PEX1: variants seen among roughly 807,000 people sequenced by gnomAD.
PEX1 encodes peroxisomal biogenesis factor 1.
Under a neutral mutation model 152.5 loss-of-function variants are expected in PEX1, and 97 were observed. The ratio of observed to expected loss-of-function variants is 0.64; its 90% CI spans 0.54 to 0.75. The LOEUF (loss-of-function observed/expected upper bound fraction) is 0.75. Ranked by LOEUF, PEX1 falls within the 30% of genes least tolerant of loss-of-function variation. The pLI is 0.00. For synonymous variants in PEX1, 485 were observed against 531.6 expected (o/e 0.91, Z 1.21); for missense variants, 1,357 against 1,516.3 (o/e 0.89, Z 1.74).
chr7:92,493,812 CTATT>C (rs1791491717), intron 19 of PEX1: 2 of 185,106 alleles, frequency 1.1e-5, no homozygotes, highest in Admixed American at 1.1e-4. Flanking sequence ...ATACCTTTGA[CTATT>C]CATTTGTCTA....
chr7:92,516,691 G>A (rs1792802219), intron 5 of PEX1, among the ~76,000 whole-genome samples: 1 of 152,168 alleles, frequency 6.6e-6, no homozygotes, highest in African/African-American at 2.4e-5. Context: ...TAATATTTGT[G>A]GCCAGGATGA....
intron 16 of PEX1, among the ~76,000 whole-genome samples, chr7:92,498,163 A>T (rs1791751421): frequency 1.3e-5 from 2 of 152,130 alleles, no homozygotes; most frequent in African/African-American, 4.8e-5. Context: ...GTTCTCAAAA[A>T]AACACGACAA....
chr7:92,518,084 C>T (rs1375963119), intron 4 of PEX1, 42 bp from the exon 5 acceptor site: 1 of 1,611,690 alleles, frequency 6.2e-7, no homozygotes, highest in Non-Finnish European at 8.5e-7. Context: ...TTCATTTCTA[C>T]TTTGGACTCA....
Position 92,518,059 on chromosome 7 carries a change from G to A in PEX1, c.473-17C>T. The A allele has an allele frequency of 6.2e-7, 1 of 1,613,890 alleles. No individual in the cohort carries two copies. Among genetic ancestry groups the A allele is most frequent in the East Asian group, 2.2e-5 (1 of 44,874 alleles). On this transcript the variant is annotated splice_polypyrimidine_tract_variant and intron_variant, in intron 4 of 23. Transcript: ENST00000248633. ...TTAGTGCAACTGTGTAGAAAATAAA[G>A]CTCATTAGTGCACATTCATTTCTAC...
At chr7:92,514,963 C>T (rs1169571739) in intron 5 of PEX1, among the ~76,000 whole-genome samples, 2 of 151,212 alleles carry the variant, frequency 1.3e-5, no homozygotes, top group East Asian at 1.9e-4. Context: ...GCAAGAGAAT[C>T]GCTTGAACCT....
At chr7:92,526,243 A>G (rs1793265081) in intron 1 of PEX1, among the ~76,000 whole-genome samples, 1 of 152,222 alleles carries the variant, frequency 6.6e-6, no homozygotes, top group Non-Finnish European at 1.5e-5. Context: ...TTTTAAAATT[A>G]GAGATGCCTA....
chr7:92,512,415 C>G (rs1178654879), intron 6 of PEX1, among the ~76,000 whole-genome samples: 2 of 152,156 alleles, frequency 1.3e-5, no homozygotes, highest in Admixed American at 6.5e-5. Context: ...AACTCCTGGG[C>G]TCAAGAGATC....
In PEX1 at chr7:92,513,855, T is replaced by C. The variant is rs1248711023; in HGVS notation, c.1352A>G (p.Glu451Gly). 2.5e-6 allele frequency: 4 copies of C among 1,599,550 alleles called. No homozygotes were observed. In the African/African-American group the frequency reaches 5.4e-5, roughly 21 times the overall value. The change falls in exon 6 of 24, where the codon GAG becomes GGG. Residue 451 changes from glutamate to glycine, a missense_variant. By Grantham distance (98) the Glu-to-Gly change is moderately conservative. Coordinates refer to ENST00000248633, the MANE Select transcript of PEX1 (RefSeq NM_000466.3). ...IPRSLKLQPR[E>G]NLPKDISEED... ...ATATATATTTGAACTCACTAAATTC[T>C]CTCTAGGTTGTAACTTTAGAGATCT...
Position 92,492,982 on chromosome 7 carries a change from G to A in PEX1, c.3178C>T (p.His1060Tyr). ...AGTCCACTCGAGAGCAGCATTCCATGTAAGGCCTCCAATTGGGCATTGTAA... is the reference window on the plus strand; with the variant it reads ...AGTCCACTCGAGAGCAGCATTCCATATAAGGCCTCCAATTGGGCATTGTAA... ...LLYNAQLEAL[H>Y]GMLLSSGLQD... is the part of the protein sequence containing the mutation. Residue 1060 changes from histidine (H) to tyrosine (Y), a missense_variant, in exon 20 of 24, where the codon CAT (histidine) becomes TAT (tyrosine). Transcript: ENST00000248633. 1.2e-6 allele frequency: 2 copies of A among 1,613,772 alleles called. No individual in the cohort carries two copies. Among genetic ancestry groups the A allele is most frequent in the Admixed American group, 1.7e-5 (1 of 60,012 alleles).
intron 21 of PEX1, among the ~76,000 whole-genome samples, chr7:92,490,984 A>T (rs1791276486): frequency 1.3e-5 from 2 of 152,244 alleles, no homozygotes; most frequent in Admixed American, 6.5e-5. Flanking sequence ...ATAAAATGGA[A>T]CTGCTCCTAA....
intron 15 of PEX1, 31 bp downstream of exon 15, chr7:92,501,476 A>G: frequency 6.4e-7 from 1 of 1,574,358 alleles, no homozygotes; most frequent in Non-Finnish European, 8.7e-7. Context: ...TTCTGGGAGT[A>G]AGTATTCACT....
At chr7:92,508,392 G>C (rs868692661) in intron 9 of PEX1, among the ~76,000 whole-genome samples, 1 of 152,022 alleles carries the variant, frequency 6.6e-6, no homozygotes, top group Non-Finnish European at 1.5e-5. Context: ...CAAAAAATTA[G>C]GCAGGTGTGG....
At chr7:92,488,308 CCT>C (rs759032276) in intron 23 of PEX1, among the ~76,000 whole-genome samples, 64 of 152,132 alleles carry the variant, frequency 4.2e-4, no homozygotes, top group African/African-American at 6.0e-4. Context: ...TTTTTCCTTA[CCT>C]CTGTTTTCTG....
intron 4 of PEX1, 25 bp downstream of exon 4, chr7:92,518,116 C>A (rs769516058): frequency 6.2e-7 from 1 of 1,603,124 alleles, no homozygotes; most frequent in African/African-American, 1.3e-5. Flanking sequence ...TAGAATATGA[C>A]AGCAAATATT....
chr7:92,504,139 C>T (rs777893205), intron 12 of PEX1, among the ~76,000 whole-genome samples: 2 of 152,016 alleles, frequency 1.3e-5, no homozygotes, highest in Non-Finnish European at 2.9e-5. Flanking sequence ...CCTTATCCCA[C>T]CTCACCCCCA....
In PEX1 at chr7:92,507,113, A is replaced by C; in HGVS notation, c.1684T>G (p.Leu562Val). 1 of 1,613,692 alleles carries C rather than the reference A, an allele frequency of 6.2e-7. No individual in the cohort carries two copies. The highest frequency in any genetic ancestry group is 2.2e-5 in the East Asian group (1 of 44,890). ...ATGTGCTCCAAGGAGGATACGCCTA[A>C]GGAATTCACTCCTCTGTAAAAAATA... Reference protein sequence around the residue: ...KLSSLGGVNSLGVSSLEHITH... With the variant: ...KLSSLGGVNSVGVSSLEHITH... Residue 562 changes from leucine to valine, a missense_variant, in exon 10 of 24, where the codon TTA becomes GTA. Coordinates refer to ENST00000248633, the MANE Select transcript of PEX1 (RefSeq NM_000466.3).
At position 92,518,231 on chromosome 7, in the gene PEX1, G is replaced by A; in HGVS notation, c.382C>T (p.Gln128Ter). Residue 128 changes from glutamine to a stop codon, truncating the protein, a stop_gained, in exon 4 of 24, where the codon CAA becomes TAA. Coordinates refer to ENST00000248633, the MANE Select transcript of PEX1 (RefSeq NM_000466.3). LOFTEE classifies it high-confidence loss of function. ...ILELHAVSLE[Q>*]HLLDQIRIVF... is the part of the protein sequence containing the mutation. The stretch of plus-strand genomic sequence containing the variant: ...ATTCGAATTTGATCTAGAAGATGTT[G>A]TTCAAGGGAAACAGCATGCAGCTCC... 1 of 1,612,152 alleles carries A rather than the reference G, an allele frequency of 6.2e-7. No homozygotes were observed. Among genetic ancestry groups the A allele is most frequent in the Non-Finnish European group, 8.5e-7 (1 of 1,178,266 alleles).
At chr7:92,490,162 T>G (rs1791213503) in intron 21 of PEX1, 1 of 511,922 alleles carries the variant, frequency 2.0e-6, no homozygotes, top group Non-Finnish European at 3.5e-6. Flanking sequence ...TTTAACTTTG[T>G]TGCTTAAATC....
In PEX1 at chr7:92,518,145, T is replaced by G. The variant is rs149729088; in HGVS notation, c.468A>C (p.Gln156His). Residue 156 changes from glutamine to histidine, a missense_variant, in exon 4 of 24, where the codon CAA (glutamine) becomes CAC (histidine). Transcript: ENST00000248633. ...WVDQQTYIFI[Q>H]IVALIPAASY... Reference sequence around the variant, plus strand: ...AAATATTACAATAGCACCTACCAATTTGGATAAATATGTACGTTTGTTGAT... The same window carrying G: ...AAATATTACAATAGCACCTACCAATGTGGATAAATATGTACGTTTGTTGAT... The G allele has an allele frequency of 5.0e-6, 8 of 1,610,886 alleles. No homozygotes were observed. Among genetic ancestry groups the G allele is most frequent in the African/African-American group, 1.3e-5 (1 of 74,816 alleles).
Sources: allele counts gnomAD v4.1 joint callset (sites outside exome capture counted in the v4.1 genomes callset), GRCh38; gene constraint gnomAD v4.1.1; transcripts MANE v1.5; gene names NCBI Gene and HGNC (gene_info 2026-07-23, HGNC 2026-07-21).